Variants in CDKAL1 observed in about 807,000 individuals in gnomAD.
CDKAL1 encodes threonylcarbamoyladenosine tRNA methylthiotransferase.
A neutral mutation model predicts 68.2 loss-of-function variants in CDKAL1; 32 were observed. The observed-to-expected ratio is 0.47, with a 90% CI of 0.35 to 0.63. The LOEUF is 0.63. Ranked by LOEUF, CDKAL1 falls within the 30% of genes least tolerant of loss-of-function variation. The probability of loss-of-function intolerance (pLI) is 0.00; values close to 1 mark genes in which losing one functional copy is unlikely to be tolerated. For missense variants in CDKAL1, 606 were observed against 696.7 expected (o/e 0.87, Z 1.47); for synonymous variants, 234 against 244.3 (o/e 0.96, Z 0.39).
chr6:20,818,288 T>C (rs545021975), intron 8 of CDKAL1, among the ~76,000 whole-genome samples: 6 of 152,278 alleles, frequency 3.9e-5, no homozygotes, highest in African/African-American at 1.4e-4. Context: ...TCCACAGTAG[T>C]AATGTCACGT....
chr6:20,610,851 A>G (rs1310613299), intron 4 of CDKAL1, among the ~76,000 whole-genome samples: 1 of 152,218 alleles, frequency 6.6e-6, no homozygotes, highest in African/African-American at 2.4e-5. Context: ...TGTTGGAATG[A>G]GTCTAGTTTT....
At chr6:20,844,155 G>A (rs1026127159) in intron 8 of CDKAL1, among the ~76,000 whole-genome samples, 25 of 152,144 alleles carry the variant, frequency 1.6e-4, no homozygotes, top group African/African-American at 5.1e-4. Context: ...GACAGGTTTA[G>A]GACACTGGAT....
chr6:20,999,586 G>C (rs1424695057), intron 10 of CDKAL1, among the ~76,000 whole-genome samples: 2 of 149,364 alleles, frequency 1.3e-5, no homozygotes, highest in Non-Finnish European at 3.0e-5. Context: ...TAGGTGCCCA[G>C]TGGTGAAGTG....
intron 4 of CDKAL1, among the ~76,000 whole-genome samples, chr6:20,591,411 G>A (rs572858417): frequency 4.6e-5 from 7 of 152,098 alleles, no homozygotes; most frequent in Non-Finnish European, 5.9e-5. Flanking sequence ...TGGTGTTTTA[G>A]TCATGAAGTC....
chr6:20,899,347 G>A (rs1761855543), intron 9 of CDKAL1, among the ~76,000 whole-genome samples: 1 of 152,130 alleles, frequency 6.6e-6, no homozygotes, highest in Non-Finnish European at 1.5e-5. Context: ...ACAGGCTTGA[G>A]CCACTGCGCC....
chr6:21,002,419 G>A (rs1767476228), intron 11 of CDKAL1, among the ~76,000 whole-genome samples: 1 of 152,092 alleles, frequency 6.6e-6, no homozygotes, highest in South Asian at 2.1e-4. Flanking sequence ...TATAGTTTCA[G>A]TTTCAAGTGC....
intron 7 of CDKAL1, among the ~76,000 whole-genome samples, chr6:20,760,781 C>G (rs1774427344): frequency 4.0e-5 from 6 of 151,184 alleles, no homozygotes; most frequent in Admixed American, 3.3e-4. Context: ...ACTGGCCACT[C>G]AATAATTTTT....
chr6:20,562,695 T>G (rs1408627113), intron 4 of CDKAL1, among the ~76,000 whole-genome samples: 3 of 151,288 alleles, frequency 2.0e-5, no homozygotes, highest in African/African-American at 7.3e-5. Context: ...TGAGCCAAGA[T>G]CATGCCACTA....
chr6:20,661,298 G>A (rs9460544), intron 5 of CDKAL1, among the ~76,000 whole-genome samples: 1 of 151,986 alleles, frequency 6.6e-6, no homozygotes, highest in Non-Finnish European at 1.5e-5. Flanking sequence ...CTGTTGTTGC[G>A]AGGATTTTGT....
At chr6:21,015,742 C>A (rs530302729) in intron 11 of CDKAL1, among the ~76,000 whole-genome samples, 1 of 151,954 alleles carries the variant, frequency 6.6e-6, no homozygotes, top group African/African-American at 2.4e-5. Context: ...GCCTGGCCAA[C>A]GTGACAAAAC....
intron 9 of CDKAL1, among the ~76,000 whole-genome samples, chr6:20,852,318 A>C (rs931560113): frequency 2.6e-5 from 4 of 152,214 alleles, no homozygotes; most frequent in African/African-American, 9.6e-5. Flanking sequence ...ACACTGTACC[A>C]AGAGAAGTCT....
chr6:21,151,868 T>G (rs926637329), intron 13 of CDKAL1, among the ~76,000 whole-genome samples: 1 of 148,666 alleles, frequency 6.7e-6, no homozygotes, highest in Non-Finnish European at 1.5e-5. Flanking sequence ...GTATCTACAG[T>G]TTTTTTTTTA....
At chr6:20,972,202 A>G (rs1462959176) in intron 10 of CDKAL1, among the ~76,000 whole-genome samples, 2 of 152,210 alleles carry the variant, frequency 1.3e-5, no homozygotes, top group African/African-American at 4.8e-5. Flanking sequence ...TTTACAGAAA[A>G]TCATATCACA....
intron 13 of CDKAL1, among the ~76,000 whole-genome samples, chr6:21,143,739 C>T (rs1007079501): frequency 2.6e-5 from 4 of 152,080 alleles, no homozygotes; most frequent in Admixed American, 6.6e-5. Context: ...GTTTTCTTTC[C>T]ACATTAAGTC....
chr6:21,137,446 A>C (rs533300180), intron 13 of CDKAL1, among the ~76,000 whole-genome samples: 2 of 152,322 alleles, frequency 1.3e-5, no homozygotes, highest in Admixed American at 1.3e-4. Context: ...TGTTTTTCAC[A>C]GCCTGTTATG....
chr6:20,862,681 G>A (rs546563990), intron 9 of CDKAL1, among the ~76,000 whole-genome samples: 234 of 152,174 alleles, frequency 1.5e-3, no homozygotes, highest in African/African-American at 5.3e-3. Context: ...GCATGCGCGC[G>A]TGCGCATATA....
At chr6:20,588,587 C>G (rs1359501528) in intron 4 of CDKAL1, among the ~76,000 whole-genome samples, 1 of 152,210 alleles carries the variant, frequency 6.6e-6, no homozygotes, top group East Asian at 1.9e-4. Context: ...CCCTCTAGCA[C>G]TCCTACGTTC....
intron 9 of CDKAL1, among the ~76,000 whole-genome samples, chr6:20,920,457 G>A (rs1482775420): frequency 1.3e-5 from 2 of 152,134 alleles, no homozygotes; most frequent in East Asian, 1.9e-4. Context: ...GTTGAAATCC[G>A]TGTGATTTTT....
chr6:20,793,348 C>T (rs1407766262), intron 8 of CDKAL1, among the ~76,000 whole-genome samples: 1 of 152,128 alleles, frequency 6.6e-6, no homozygotes, highest in Non-Finnish European at 1.5e-5. Context: ...GACAAGGTGT[C>T]AGTAGCGGCG....
Sources: allele counts gnomAD v4.1 joint callset (sites outside exome capture counted in the v4.1 genomes callset), GRCh38; gene constraint gnomAD v4.1.1; transcripts MANE v1.5; gene names NCBI Gene and HGNC (gene_info 2026-07-23, HGNC 2026-07-21).